The following PPP1R14C variants were observed in gnomAD, a reference collection of about 807,000 sequenced individuals.
PPP1R14C encodes the protein protein phosphatase 1 regulatory inhibitor subunit 14C, also known as protein phosphatase 1 regulatory subunit 14C.
PPP1R14C carries 16 observed loss-of-function variants against 20.4 expected under a neutral mutation model. The observed-to-expected ratio is 0.78, with a 90% CI of 0.53 to 1.19. The LOEUF is 1.19. Among genes scored for constraint, PPP1R14C ranks in the 50% most tolerant of loss-of-function variants. PPP1R14C has a pLI of 0.00. For synonymous variants in PPP1R14C, 91 were observed against 91.0 expected (o/e 1.00, Z 0.00); for missense variants, 211 against 220.1 (o/e 0.96, Z 0.26).
rs557703706 is a variant in PPP1R14C at position 150,147,126 on chromosome 6, C to CTT, written c.306+3643_306+3644dup. Among the ~76,000 whole-genome samples, 641 of 133,368 alleles carry CTT rather than the reference C, an allele frequency of 4.8e-3. 6 individuals carry two copies. The highest frequency in any genetic ancestry group is 0.016 in the African/African-American group (591 of 36,046). 87.5% of individuals were successfully genotyped at this position (133,368 alleles called of 152,430 possible). A position where few individuals can be genotyped will look rare whatever the true frequency, so the allele number is the denominator to read the frequency against. On this transcript the variant is annotated intron_variant, in intron 1 of 3. Coordinates refer to ENST00000361131, the MANE Select transcript of PPP1R14C (RefSeq NM_030949.3). Reference sequence around the variant, plus strand: ...CATTTAAGGATTTCTGTTTAAAGACCTTTTTTTTTTTTTTTTAATCTCTTC... The same window carrying CTT: ...CATTTAAGGATTTCTGTTTAAAGACCTTTTTTTTTTTTTTTTTTAATCTCTTC...
intron 3 of PPP1R14C, among the ~76,000 whole-genome samples, chr6:150,221,018 G>A (rs1778160871): frequency 6.6e-6 from 1 of 152,170 alleles, no homozygotes; most frequent in Non-Finnish European, 1.5e-5. Context: ...CCCATTTCTA[G>A]GAATGGAGAA....
chr6:150,191,037 C>T (rs12202328), intron 1 of PPP1R14C, among the ~76,000 whole-genome samples: 61,368 of 152,066 alleles, frequency 0.4, 12,736 homozygotes, highest in South Asian at 0.5. Flanking sequence ...ACTTCTTTGC[C>T]CTTCACTCTC....
intron 1 of PPP1R14C, among the ~76,000 whole-genome samples, chr6:150,181,081 T>C (rs943721454): frequency 6.6e-6 from 1 of 152,176 alleles, no homozygotes; most frequent in Non-Finnish European, 1.5e-5. Context: ...TGAAATTTAG[T>C]GGAGCTGCCT....
At chr6:150,235,060 A>C (rs1330732221) in intron 3 of PPP1R14C, among the ~76,000 whole-genome samples, 1 of 152,150 alleles carries the variant, frequency 6.6e-6, no homozygotes, top group Non-Finnish European at 1.5e-5. Flanking sequence ...TGGGAATAAG[A>C]CATCTTTGGT....
intron 1 of PPP1R14C, among the ~76,000 whole-genome samples, chr6:150,145,359 A>G (rs1777170029): frequency 6.6e-6 from 1 of 152,166 alleles, no homozygotes; most frequent in Non-Finnish European, 1.5e-5. Flanking sequence ...TTTTGTGGTG[A>G]AATAATTCAA....
intron 1 of PPP1R14C, among the ~76,000 whole-genome samples, chr6:150,205,807 T>A (rs1310266069): frequency 2.0e-4 from 30 of 147,202 alleles, no homozygotes; most frequent in South Asian, 1.1e-3. Context: ...AAAAAAAAAA[T>A]AATGGAAATA....
chr6:150,199,946 C>G (rs953867340), intron 1 of PPP1R14C, among the ~76,000 whole-genome samples: 1 of 151,964 alleles, frequency 6.6e-6, no homozygotes, highest in Admixed American at 6.6e-5. Context: ...TGGACTAAGT[C>G]AGATACGCTC....
intron 1 of PPP1R14C, among the ~76,000 whole-genome samples, chr6:150,190,661 G>A (rs9322250): frequency 0.18 from 27,901 of 151,954 alleles, 4,029 homozygotes; most frequent in African/African-American, 0.41. Context: ...TCTTGAGCTC[G>A]TGATCCACTC....
intron 1 of PPP1R14C, among the ~76,000 whole-genome samples, chr6:150,184,396 A>C (rs748523309): frequency 6.6e-6 from 1 of 152,166 alleles, no homozygotes; most frequent in Non-Finnish European, 1.5e-5. Flanking sequence ...AGGTGTGTGG[A>C]CTAGGAGCAA....
chr6:150,177,830 A>G (rs947052432), intron 1 of PPP1R14C, among the ~76,000 whole-genome samples: 4 of 152,146 alleles, frequency 2.6e-5, no homozygotes, highest in African/African-American at 9.7e-5. Flanking sequence ...GCAGAACCCC[A>G]GTGACTGTCC....
chr6:150,212,060 AT>A (rs1202588574), intron 1 of PPP1R14C, among the ~76,000 whole-genome samples: 3 of 151,890 alleles, frequency 2.0e-5, no homozygotes, highest in Non-Finnish European at 4.4e-5. Flanking sequence ...GATGCCTGGC[AT>A]TTTTTTCTTT....
In PPP1R14C at chr6:150,250,283, A is replaced by G. The variant is rs778791484; in HGVS notation, c.*1463A>G. On this transcript the variant is annotated 3_prime_UTR_variant, in exon 4 of 4. Transcript: ENST00000361131. ...TGCGTATACTGGCAAGCTTTTGAAAATGTATTTAATTTTGTATTGTTTACC... is the reference window on the plus strand; with the variant it reads ...TGCGTATACTGGCAAGCTTTTGAAAGTGTATTTAATTTTGTATTGTTTACC... The G allele has an allele frequency of 6.6e-6, 1 of 152,648 alleles. No homozygotes were observed. Among genetic ancestry groups the G allele is most frequent in the Non-Finnish European group, 1.5e-5 (1 of 68,042 alleles). The allele number at this position is 152,648 out of a possible 1,614,324, so 9.5% of individuals were successfully genotyped here.
chr6:150,165,108 A>G (rs1777409496), intron 1 of PPP1R14C, among the ~76,000 whole-genome samples: 1 of 152,220 alleles, frequency 6.6e-6, no homozygotes, highest in Non-Finnish European at 1.5e-5. Context: ...TAGTCTGTTA[A>G]AGCAGCCCAA....
intron 3 of PPP1R14C, among the ~76,000 whole-genome samples, chr6:150,232,277 G>T (rs1778304992): frequency 1.3e-5 from 2 of 151,930 alleles, no homozygotes; most frequent in Non-Finnish European, 2.9e-5. Flanking sequence ...AGTTGTTGGT[G>T]TTTTTCTTGT....
intron 1 of PPP1R14C, among the ~76,000 whole-genome samples, chr6:150,187,241 CTTTCTCTGTGTGTG>C (rs1251834374): frequency 7.5e-6 from 1 of 132,462 alleles, no homozygotes; most frequent in African/African-American, 2.8e-5. Flanking sequence ...TGGCCTTTCT[CTTTCTCTGTGTGTG>C]TGTGTGTGTG....
intron 3 of PPP1R14C, among the ~76,000 whole-genome samples, chr6:150,222,013 A>G (rs977439585): frequency 1.1e-4 from 17 of 152,082 alleles, no homozygotes; most frequent in Non-Finnish European, 2.2e-4. Flanking sequence ...TGCCCAGGCT[A>G]GTCTCAAACT....
At chr6:150,195,057 T>G (rs1212590298) in intron 1 of PPP1R14C, 5 of 984,904 alleles carry the variant, frequency 5.1e-6, no homozygotes, top group Non-Finnish European at 6.0e-6. Flanking sequence ...GAATATAACC[T>G]GTATGACCAT....
chr6:150,218,269 G>T (rs1469855072), intron 3 of PPP1R14C, among the ~76,000 whole-genome samples: 1 of 152,112 alleles, frequency 6.6e-6, no homozygotes, highest in Non-Finnish European at 1.5e-5. Flanking sequence ...CGGGTGTGGT[G>T]GCCGGTGCCT....
chr6:150,247,377 A>T (rs180815975), intron 3 of PPP1R14C, among the ~76,000 whole-genome samples: 3 of 152,216 alleles, frequency 2.0e-5, no homozygotes, highest in Non-Finnish European at 4.4e-5. Context: ...GTTGTTACCT[A>T]ATAAATATGA....
Sources: allele counts gnomAD v4.1 joint callset (sites outside exome capture counted in the v4.1 genomes callset), GRCh38; gene constraint gnomAD v4.1.1; transcripts MANE v1.5; gene names NCBI Gene and HGNC (gene_info 2026-07-23, HGNC 2026-07-21).